Variants in AOAH observed in about 807,000 individuals in gnomAD.
AOAH encodes the protein acyloxyacyl hydrolase.
Under a neutral mutation model 92.2 loss-of-function variants are expected in AOAH, and 64 were observed. The ratio of observed to expected loss-of-function variants is 0.69; its 90% CI spans 0.57 to 0.86. The LOEUF is 0.86. Among genes scored for constraint, AOAH ranks in the 40% least tolerant of loss-of-function variants. The pLI, the probability that AOAH is intolerant of heterozygous loss-of-function variation, is 0.00. For missense variants in AOAH, 656 were observed against 694.6 expected (o/e 0.94, Z 0.62); for synonymous variants, 263 against 254.5 (o/e 1.03, Z -0.32).
intron 13 of AOAH, among the ~76,000 whole-genome samples, chr7:36,554,939 A>G (rs1381988884): frequency 1.4e-5 from 2 of 139,040 alleles, no homozygotes; most frequent in South Asian, 2.4e-4. Context: ...AACAGGGACA[A>G]TTTGACTTCC....
At chr7:36,689,108 T>C (rs1321792874) in intron 1 of AOAH, among the ~76,000 whole-genome samples, 1 of 152,132 alleles carries the variant, frequency 6.6e-6, no homozygotes, top group Non-Finnish European at 1.5e-5. Context: ...GCACCTTTAG[T>C]TGCTTCCCAG....
At chr7:36,648,654 G>A (rs1325357548) in intron 4 of AOAH, among the ~76,000 whole-genome samples, 1 of 148,340 alleles carries the variant, frequency 6.7e-6, no homozygotes, top group African/African-American at 2.5e-5. Flanking sequence ...AAGTGATTCA[G>A]TCTTTAATCA....
chr7:36,565,781 C>T (rs1291483675), intron 13 of AOAH, among the ~76,000 whole-genome samples: 1 of 152,020 alleles, frequency 6.6e-6, no homozygotes, highest in Non-Finnish European at 1.5e-5. Flanking sequence ...AACATGCAAT[C>T]CTACCTGCTT....
chr7:36,574,284 T>C lies in AOAH; in HGVS notation c.1021+2290A>G, dbSNP rs559356504. On this transcript the variant is annotated intron_variant, in intron 13 of 20. Coordinates refer to ENST00000617537, the MANE Select transcript of AOAH (RefSeq NM_001637.4). ...CCCCTATTCCCCGGCATCTATTCAT[T>C]AGACAAAAGTCTGACAAAAGCCACG... 2.6e-5 allele frequency among the ~76,000 whole-genome samples: 4 copies of C among 152,334 alleles called. No individual in the cohort carries two copies. In the South Asian group the frequency reaches 8.3e-4, roughly 32 times the overall value.
intron 3 of AOAH, among the ~76,000 whole-genome samples, chr7:36,670,689 A>C (rs1195663524): frequency 3.3e-5 from 5 of 152,018 alleles, no homozygotes; most frequent in Admixed American, 6.5e-5. Context: ...GTTGGCCAGG[A>C]TGCTCTCGAT....
chr7:36,525,067 T>C (rs1784334699), intron 19 of AOAH, among the ~76,000 whole-genome samples: 1 of 152,322 alleles, frequency 6.6e-6, no homozygotes, highest in East Asian at 1.9e-4. Flanking sequence ...AGAGTCCTCT[T>C]GTAATAAATA....
chr7:36,592,632 C>T (rs974784394), intron 12 of AOAH, among the ~76,000 whole-genome samples: 1 of 152,216 alleles, frequency 6.6e-6, no homozygotes, highest in Non-Finnish European at 1.5e-5. Flanking sequence ...CAGACCCTAC[C>T]ACTCTTGGCT....
intron 1 of AOAH, among the ~76,000 whole-genome samples, chr7:36,699,671 G>T: frequency 1.4e-5 from 2 of 139,698 alleles, no homozygotes; most frequent in African/African-American, 2.7e-5. Flanking sequence ...AGCTATTTGA[G>T]CTTCTTATAT....
chr7:36,697,587 G>C (rs1323167388), intron 1 of AOAH, among the ~76,000 whole-genome samples: 1 of 152,156 alleles, frequency 6.6e-6, no homozygotes, highest in African/African-American at 2.4e-5. Flanking sequence ...GAAAGAAATT[G>C]TGTTGGATTG....
intron 19 of AOAH, among the ~76,000 whole-genome samples, chr7:36,525,864 C>T (rs964458074): frequency 6.6e-6 from 1 of 152,204 alleles, no homozygotes; most frequent in Non-Finnish European, 1.5e-5. Flanking sequence ...CCATTCCCTT[C>T]TCCTTCCCTT....
chr7:36,706,608 A>G (rs1362478305), intron 1 of AOAH, among the ~76,000 whole-genome samples: 1 of 152,190 alleles, frequency 6.6e-6, no homozygotes, highest in African/African-American at 2.4e-5. Context: ...CTCTCTAGCT[A>G]TGAAAGTCAT....
intron 12 of AOAH, among the ~76,000 whole-genome samples, chr7:36,589,887 C>T (rs535028782): frequency 1.7e-4 from 26 of 152,180 alleles, no homozygotes; most frequent in African/African-American, 6.0e-4. Context: ...ATATGAATTG[C>T]TTTGGAAAGT....
intron 9 of AOAH, 61 bp downstream of exon 9, chr7:36,620,720 T>G: frequency 5.1e-4 from 783 of 1,526,182 alleles, no homozygotes; most frequent in Middle Eastern, 6.8e-4. Flanking sequence ...AAATATGTGA[T>G]GAGCTTTAGG....
intron 13 of AOAH, among the ~76,000 whole-genome samples, chr7:36,570,806 A>C (rs1037379709): frequency 3.3e-5 from 5 of 152,194 alleles, no homozygotes; most frequent in Admixed American, 6.5e-5. Context: ...AGCTGGATTC[A>C]GTTGGATTAC....
intron 3 of AOAH, among the ~76,000 whole-genome samples, chr7:36,673,354 A>T (rs889076350): frequency 3.9e-5 from 6 of 152,174 alleles, no homozygotes; most frequent in African/African-American, 1.4e-4. Context: ...CCTGGCCAAC[A>T]TGGTGAAACC....
intron 11 of AOAH, among the ~76,000 whole-genome samples, chr7:36,612,316 A>G (rs1457409432): frequency 1.3e-5 from 2 of 152,230 alleles, no homozygotes; most frequent in Non-Finnish European, 2.9e-5. Context: ...ACTATTTTGT[A>G]ACCTGCTTTT....
chr7:36,688,116 G>C (rs2116791370), intron 1 of AOAH, among the ~76,000 whole-genome samples: 1 of 152,226 alleles, frequency 6.6e-6, no homozygotes, highest in African/African-American at 2.4e-5. Flanking sequence ...AATTATCAAG[G>C]TTGATTGGCT....
intron 11 of AOAH, among the ~76,000 whole-genome samples, chr7:36,604,948 G>A (rs767349198): frequency 3.9e-5 from 6 of 152,112 alleles, no homozygotes; most frequent in Admixed American, 1.3e-4. Flanking sequence ...GCTCTTTAGC[G>A]GTCAGGCTTA....
intron 1 of AOAH, among the ~76,000 whole-genome samples, chr7:36,698,357 T>A (rs887814953): frequency 2.0e-5 from 3 of 152,168 alleles, no homozygotes; most frequent in African/African-American, 7.2e-5. Flanking sequence ...TTATCAATTT[T>A]ATTGATCATT....
Sources: allele counts gnomAD v4.1 joint callset (sites outside exome capture counted in the v4.1 genomes callset), GRCh38; gene constraint gnomAD v4.1.1; transcripts MANE v1.5; gene names NCBI Gene and HGNC (gene_info 2026-07-23, HGNC 2026-07-21).